The following FZR1 variants were observed in gnomAD, a reference collection of about 807,000 sequenced individuals.
The protein encoded by FZR1 is fizzy-related protein homolog.
FZR1 carries 11 observed loss-of-function variants against 63.6 expected under a neutral mutation model. The observed-to-expected ratio is 0.17, with a 90% CI of 0.11 to 0.29. FZR1 has a LOEUF of 0.29. Ranked by LOEUF, FZR1 falls within the 10% of genes least tolerant of loss-of-function variation. The pLI is 1.00. For missense variants in FZR1, 440 were observed against 687.5 expected, an observed-to-expected ratio of 0.64 and a Z score of 4.03; for synonymous variants, 328 against 297.9, an observed-to-expected ratio of 1.10 and a Z score of -1.04.
At position 3,513,474 on chromosome 19, in the gene FZR1, C is replaced by T. The variant is rs149162540; in HGVS notation, c.-35+7000C>T. ...GACTGGCTGGATTCACGTCCCAGCT[C>T]TACCCTCACCAACTGCATGGGGACC... On this transcript the variant is annotated intron_variant, in intron 1 of 13. Transcript: ENST00000441788. 5.1e-3 allele frequency among the ~76,000 whole-genome samples: 772 copies of T among 152,344 alleles called. 11 individuals are homozygous for T. Among genetic ancestry groups the T allele is most frequent in the African/African-American group, 0.018 (741 of 41,588 alleles).
rs1394060704 is a variant in FZR1 at position 3,526,037 on chromosome 19, C to A, written c.195+44C>A. The A allele has an allele frequency of 6.2e-7, 1 of 1,611,622 alleles. No homozygotes were observed. Among genetic ancestry groups the A allele is most frequent in the East Asian group, 2.2e-5 (1 of 44,860 alleles). ...AGGAGATGGGACCCCCCGGGAAGCC[C>A]AGGGCCCCTCCCAGCCTCCTTGCTC... is the stretch of plus-strand genomic sequence containing the variant. On this transcript the variant is annotated intron_variant, in intron 3 of 13. Coordinates refer to ENST00000441788, the MANE Select transcript of FZR1 (RefSeq NM_016263.4). This position sits in a 1 kb window ranked among gnomAD's most constrained non-coding sequence, Gnocchi z 5.4.
At position 3,526,442 on chromosome 19, in the gene FZR1, C is replaced by T. The variant is rs2040469860; in HGVS notation, c.387+56C>T. ...TGGCTCCCAGTGCAGCCTCCCCGGC[C>T]CCCCACCTCCCAGGCACCAGCTCTG... is the stretch of plus-strand genomic sequence containing the variant. On this transcript the variant is annotated intron_variant, in intron 5 of 13. Coordinates refer to ENST00000441788, the MANE Select transcript of FZR1 (RefSeq NM_016263.4). The surrounding 1 kb of genome is among the most constrained non-coding windows in gnomAD (Gnocchi z 5.4). The T allele has an allele frequency of 9.8e-6, 14 of 1,425,216 alleles. 1 individual carries two copies. In the South Asian group the frequency reaches 1.5e-4, roughly 15 times the overall value. 88.3% of individuals were successfully genotyped at this position (1,425,216 alleles called of 1,614,324 possible).
intron 7 of FZR1, among the ~76,000 whole-genome samples, chr19:3,528,163 G>A (rs2083181370): frequency 6.6e-6 from 1 of 152,372 alleles, no homozygotes; most frequent in South Asian, 2.1e-4. Context: ...AGAGACAGGT[G>A]TCCCAGCCTG....
chr19:3,532,905 C>T lies in FZR1; in HGVS notation c.1242+255C>T, dbSNP rs543971875. On this transcript the variant is annotated intron_variant, in intron 11 of 13. Transcript: ENST00000441788. ...CACACCTGGCGGCTCTGTGAGGAGC[C>T]GGGGAGCTCCTATGGCTGCCTCTGC... is the stretch of plus-strand genomic sequence containing the variant. Among the ~76,000 whole-genome samples, 293 of 152,222 alleles carry T rather than the reference C, an allele frequency of 1.9e-3. 4 individuals carry two copies. The highest frequency in any genetic ancestry group is 6.1e-3 in the African/African-American group (254 of 41,542).
At position 3,525,201 on chromosome 19, in the gene FZR1, C is replaced by T. The variant is rs1023332607; in HGVS notation, c.70-667C>T. Among the ~76,000 whole-genome samples, 1 of 152,108 alleles carries T rather than the reference C, an allele frequency of 6.6e-6. No individual in the cohort carries two copies. The highest frequency in any genetic ancestry group is 2.4e-5 in the African/African-American group (1 of 41,406). On this transcript the variant is annotated intron_variant, in intron 2 of 13. Coordinates refer to ENST00000441788, the MANE Select transcript of FZR1 (RefSeq NM_016263.4). This position sits in a 1 kb window ranked among gnomAD's most constrained non-coding sequence, Gnocchi z 4.2. The stretch of plus-strand genomic sequence containing the variant: ...CGGTGAATGCATGGCACCTGCGCAG[C>T]GTTGGGAGGGCAGTTGGGGTCTTGT...
intron 7 of FZR1, among the ~76,000 whole-genome samples, chr19:3,530,280 G>A (rs1442519871): frequency 6.5e-5 from 9 of 138,690 alleles, no homozygotes; most frequent in East Asian, 4.0e-4. Flanking sequence ...ATGGGAGAGC[G>A]GATGGGAGAG....
At position 3,531,967 on chromosome 19, in the gene FZR1, C is replaced by T; in HGVS notation, c.880C>T (p.Leu294=). Residue 294 remains leucine (L), a synonymous_variant, in exon 10 of 14, where the codon CTG becomes TTG. Transcript: ENST00000441788. ...GTCCGGGAGCCGCGACCGCATGATC[C>T]TGCAGAGGGACATCCGCACCCCGCC... ...LSSGSRDRMI[L]QRDIRTPPLQ... 2 of 1,581,626 alleles carry T rather than the reference C, an allele frequency of 1.3e-6. No individual in the cohort carries two copies. Among genetic ancestry groups the T allele is most frequent in the Non-Finnish European group, 8.6e-7 (1 of 1,168,146 alleles).
Position 3,526,323 on chromosome 19 carries a change from G to A in FZR1, c.324G>A (p.Gln108=), listed in dbSNP as rs1599783879. ...TGGGTGCCGGCATCGAGAAGGTGCA[G>A]GACCCGCAGACTGAGGACCGCAGGC... ...ELLGAGIEKV[Q]DPQTEDRRLQ... The change falls in exon 5 of 14, where the codon CAG becomes CAA. Residue 108 remains glutamine (Q), a synonymous_variant. Transcript: ENST00000441788. This position sits in a 1 kb window ranked among gnomAD's most constrained non-coding sequence, Gnocchi z 5.4. 1 of 1,604,570 alleles carries A rather than the reference G, an allele frequency of 6.2e-7. No individual in the cohort carries two copies. The highest frequency in any genetic ancestry group is 8.5e-7 in the Non-Finnish European group (1 of 1,176,344).
chr19:3,527,615 G>C lies in FZR1; in HGVS notation c.471-16G>C. 1 of 1,594,198 alleles carries C rather than the reference G, an allele frequency of 6.3e-7. No individual in the cohort carries two copies. Among genetic ancestry groups the C allele is most frequent in the Non-Finnish European group, 8.5e-7 (1 of 1,170,992 alleles). ...AAGTGCCGTGGCTCACGGATGCCACGTGGCCGCCTCTGCAGCCAGAAGCTG... is the reference window on the plus strand; with the variant it reads ...AAGTGCCGTGGCTCACGGATGCCACCTGGCCGCCTCTGCAGCCAGAAGCTG... On this transcript the variant is annotated splice_polypyrimidine_tract_variant and intron_variant, in intron 6 of 13. Transcript: ENST00000441788.
At chr19:3,509,789 C>G (rs1178886731) in intron 1 of FZR1, among the ~76,000 whole-genome samples, 1 of 152,212 alleles carries the variant, frequency 6.6e-6, no homozygotes, top group Non-Finnish European at 1.5e-5. Flanking sequence ...GAGCCCTGCT[C>G]TTTGTCGTGG....
rs969010366 is a variant in FZR1 at position 3,525,089 on chromosome 19, G to A, written c.70-779G>A. Among the ~76,000 whole-genome samples, 1 of 152,158 alleles carries A rather than the reference G, an allele frequency of 6.6e-6. No homozygotes were observed. The highest frequency in any genetic ancestry group is 2.4e-5 in the African/African-American group (1 of 41,424). On this transcript the variant is annotated intron_variant, in intron 2 of 13. Transcript: ENST00000441788. This position sits in a 1 kb window ranked among gnomAD's most constrained non-coding sequence, Gnocchi z 4.2. ...GGGTGTTGTGGGCAGCAGGAGATGG[G>A]GATGAGGGCCACACTCCCAGGTGGC... is the stretch of plus-strand genomic sequence containing the variant.
intron 6 of FZR1, 102 bp downstream of exon 6, chr19:3,527,164 G>C: frequency 4.3e-6 from 4 of 936,194 alleles, no homozygotes; most frequent in Non-Finnish European, 5.3e-6. Context: ...TGCGGGTCCT[G>C]GTGGGCGAGG....
At position 3,516,035 on chromosome 19, in the gene FZR1, G is replaced by A. The variant is rs2083056592; in HGVS notation, c.-34-6921G>A. ...TGACTCCATCTCTGCACACATGCAT[G>A]CTGAGTTTCTAAGGATAAATTCTTA... On this transcript the variant is annotated intron_variant, in intron 1 of 13. Coordinates refer to ENST00000441788, the MANE Select transcript of FZR1 (RefSeq NM_016263.4). This position sits in a 1 kb window ranked among gnomAD's most constrained non-coding sequence, Gnocchi z 6.0. Among the ~76,000 whole-genome samples the A allele has an allele frequency of 1.3e-5, 2 of 152,210 alleles. No homozygotes were observed. Among genetic ancestry groups the A allele is most frequent in the South Asian group, 2.1e-4 (1 of 4,830 alleles).
chr19:3,530,845 C>T lies in FZR1; in HGVS notation c.708C>T (p.Gly236=), dbSNP rs2083239823. 1.9e-6 allele frequency: 3 copies of T among 1,612,350 alleles called. No individual in the cohort carries two copies. Among genetic ancestry groups the T allele is most frequent in the Admixed American group, 1.7e-5 (1 of 59,938 alleles). ...AAGGGGACTCAGTGACCTCCGTGGG[C>T]TGGTCTGAGCGGGTGAGTGCAGAGG... ...SVEGDSVTSV[G]WSERGNLVAV... The change falls in exon 8 of 14, where the codon GGC becomes GGT. Residue 236 remains glycine (G), a synonymous_variant. Transcript: ENST00000441788.
chr19:3,508,154 A>G (rs1203761135), intron 1 of FZR1, among the ~76,000 whole-genome samples: 1 of 149,720 alleles, frequency 6.7e-6, no homozygotes, highest in Non-Finnish European at 1.5e-5. Context: ...AGTTTCTAGA[A>G]ACAGACAAGC....
intron 7 of FZR1, 67 bp downstream of exon 7, chr19:3,527,881 C>G (rs2083176778): frequency 7.9e-7 from 1 of 1,266,200 alleles, no homozygotes; most frequent in Non-Finnish European, 1.1e-6. Flanking sequence ...CTCAATGTAC[C>G]CACCGGGATC....
At position 3,522,548 on chromosome 19, in the gene FZR1, G is replaced by A. The variant is rs139976530; in HGVS notation, c.-34-408G>A. Among the ~76,000 whole-genome samples the A allele has an allele frequency of 7.2e-5, 11 of 152,316 alleles. No individual in the cohort carries two copies. In the East Asian group the frequency reaches 2.1e-3, roughly 29 times the overall value. On this transcript the variant is annotated intron_variant, in intron 1 of 13. Coordinates refer to ENST00000441788, the MANE Select transcript of FZR1 (RefSeq NM_016263.4). ...GCCAGCTCTTGCACACTGCCTTAGA[G>A]CTGGTGTGGCTTGTTGAACCCCGTT...
In FZR1 at chr19:3,526,864, G is replaced by C. The variant is rs2121973573; in HGVS notation, c.388-116G>C. 4.1e-6 allele frequency: 3 copies of C among 733,668 alleles called. No individual in the cohort carries two copies. The highest frequency in any genetic ancestry group is 5.1e-5 in the East Asian group (2 of 39,422). 45.4% of individuals were successfully genotyped at this position (733,668 alleles called of 1,614,324 possible). A position where few individuals can be genotyped will look rare whatever the true frequency, so the allele number is the denominator to read the frequency against. ...TGCCTTTTTACAGCTGCTCCACACA[G>C]GGTCTCAGCACCTGCCTTAGGGCTA... On this transcript the variant is annotated intron_variant, in intron 5 of 13. Coordinates refer to ENST00000441788, the MANE Select transcript of FZR1 (RefSeq NM_016263.4). The surrounding 1 kb of genome is among the most constrained non-coding windows in gnomAD (Gnocchi z 5.4).
chr19:3,508,790 C>T (rs2083004617), intron 1 of FZR1, among the ~76,000 whole-genome samples: 1 of 152,344 alleles, frequency 6.6e-6, no homozygotes, highest in South Asian at 2.1e-4. Flanking sequence ...GGACATTTGG[C>T]AGTATTTGAG....
Sources: gnomAD v4.1 joint callset for allele counts (sites outside exome capture counted in the v4.1 genomes callset) on GRCh38, gnomAD v4.1.1 for gene constraint, Gnocchi (gnomAD v3.1) non-coding constraint, MANE v1.5 for transcripts, NCBI Gene and HGNC (gene_info 2026-07-23, HGNC 2026-07-21) for gene names.